TENT4B: variants seen among roughly 807,000 people sequenced by gnomAD.
TENT4B encodes PAP associated domain containing 5.
A neutral mutation model predicts 75.0 loss-of-function variants in TENT4B; 10 were observed. The observed-to-expected ratio is 0.13, with a 90% CI of 0.08 to 0.23. TENT4B has a LOEUF of 0.23. Ranked by LOEUF, TENT4B falls within the 10% of genes least tolerant of loss-of-function variation. TENT4B has a pLI of 1.00. For missense variants in TENT4B, 579 were observed against 893.8 expected, an observed-to-expected ratio of 0.65 and a Z score of 4.49; for synonymous variants, 350 against 357.7, an observed-to-expected ratio of 0.98 and a Z score of 0.24.
chr16:50,158,985 T>C (rs574164350), intron 1 of TENT4B, among the ~76,000 whole-genome samples: 146 of 152,242 alleles, frequency 9.6e-4, no homozygotes, highest in African/African-American at 3.2e-3. Context: ...GAAGGACTAT[T>C]GGTTTGGGTA....
Position 50,224,953 on chromosome 16 carries a change from A to T in TENT4B, c.1571A>T (p.Lys524Met), listed in dbSNP as rs750247658. ...GCCACATATAGAGATTGGATATCAA[A>T]GCAGTGGGGCTTGAAGAATAGACCT... ...EVATYRDWISKQWGLKNRPEP... is the reference protein window; with the variant it reads ...EVATYRDWISMQWGLKNRPEP... The change falls in exon 9 of 12, where the codon AAG becomes ATG. Residue 524 changes from lysine to methionine, a missense_variant. By Grantham distance (95) the Lys-to-Met change is moderately conservative. Transcript: ENST00000561678. The T allele has an allele frequency of 6.2e-7, 1 of 1,613,956 alleles. No individual in the cohort carries two copies. Among genetic ancestry groups the T allele is most frequent in the Non-Finnish European group, 8.5e-7 (1 of 1,179,842 alleles).
At chr16:50,176,265 T>G (rs185773840) in intron 1 of TENT4B, among the ~76,000 whole-genome samples, 1 of 151,912 alleles carries the variant, frequency 6.6e-6, no homozygotes, top group African/African-American at 2.4e-5. Context: ...TTTTTAAATT[T>G]TTTTAGAGAT....
intron 1 of TENT4B, among the ~76,000 whole-genome samples, chr16:50,182,374 CCTA>C (rs2038431693): frequency 6.6e-6 from 1 of 152,170 alleles, no homozygotes; most frequent in Non-Finnish European, 1.5e-5. Context: ...TAATTTTTCT[CCTA>C]CATTTGTTCA....
intron 1 of TENT4B, among the ~76,000 whole-genome samples, chr16:50,201,779 G>T (rs909996025): frequency 8.0e-5 from 12 of 150,780 alleles, no homozygotes; most frequent in African/African-American, 2.7e-4. Flanking sequence ...GGAGGCAGAG[G>T]TTGGAGTGAG....
chr16:50,224,532 C>G, intron 7 of TENT4B, 125 bp from the exon 8 acceptor site: 1 of 1,211,188 alleles, frequency 8.3e-7, no homozygotes. Flanking sequence ...CAGCTCACAG[C>G]TCAGCTTCCA....
intron 11 of TENT4B, among the ~76,000 whole-genome samples, chr16:50,228,328 G>A (rs1321164860): frequency 1.3e-5 from 2 of 152,210 alleles, no homozygotes; most frequent in Non-Finnish European, 2.9e-5. Flanking sequence ...CCTCATGGCA[G>A]TGTGCATATC....
chr16:50,163,037 C>A (rs2038030120), intron 1 of TENT4B, among the ~76,000 whole-genome samples: 1 of 152,086 alleles, frequency 6.6e-6, no homozygotes, highest in Non-Finnish European at 1.5e-5. Flanking sequence ...ATTGTTTTAT[C>A]TAAACAGCTT....
intron 5 of TENT4B, among the ~76,000 whole-genome samples, chr16:50,220,044 A>G (rs1359141112): frequency 1.3e-5 from 2 of 150,160 alleles, no homozygotes; most frequent in African/African-American, 4.9e-5. Flanking sequence ...GCTGGAGTGC[A>G]GTGGCGCGAT....
chr16:50,225,501 C>T (rs1159958811), intron 10 of TENT4B, among the ~76,000 whole-genome samples: 1 of 152,160 alleles, frequency 6.6e-6, no homozygotes, highest in East Asian at 1.9e-4. Flanking sequence ...TTCATGTACT[C>T]ACCAGTAGAT....
chr16:50,188,266 T>G (rs2038573619), intron 1 of TENT4B, among the ~76,000 whole-genome samples: 2 of 152,208 alleles, frequency 1.3e-5, no homozygotes, highest in Non-Finnish European at 2.9e-5. Flanking sequence ...TTCTGTTACC[T>G]TGCCATGAGG....
chr16:50,199,995 A>AT (rs1567500017), intron 1 of TENT4B, among the ~76,000 whole-genome samples: 1 of 152,130 alleles, frequency 6.6e-6, no homozygotes, highest in Non-Finnish European at 1.5e-5. Flanking sequence ...GTGTGTGGAC[A>AT]TTGGTTTTCA....
intron 1 of TENT4B, among the ~76,000 whole-genome samples, chr16:50,164,365 A>G (rs2150672866): frequency 6.6e-6 from 1 of 150,742 alleles, no homozygotes. Flanking sequence ...GCTGGAGTGC[A>G]GTGGCGCTAT....
In TENT4B at chr16:50,154,186, C is replaced by G; in HGVS notation, c.565C>G (p.Arg189Gly). 2.7e-6 allele frequency: 4 copies of G among 1,506,170 alleles called. No homozygotes were observed. The highest frequency in any genetic ancestry group is 2.6e-5 in the East Asian group (1 of 38,942). 93.3% of individuals were successfully genotyped at this position (1,506,170 alleles called of 1,614,324 possible). ...PSGGRAAGGG[R>G]ADGGGVVYSG... Reference sequence around the variant, plus strand: ...CGGAGGGCGGGCCGCGGGGGGCGGCCGAGCAGACGGCGGCGGGGTCGTGTA... The same window carrying G: ...CGGAGGGCGGGCCGCGGGGGGCGGCGGAGCAGACGGCGGCGGGGTCGTGTA... Residue 189 changes from arginine (R) to glycine (G), a missense_variant, in exon 1 of 12, where the codon CGA becomes GGA. This residue lies in a region of TENT4B where 253 missense variants were observed against 270.1 expected (regional missense o/e 0.94). Coordinates refer to ENST00000561678, the MANE Select transcript of TENT4B (RefSeq NM_001365324.3).
rs1442766220 is a variant in TENT4B at position 50,153,342 on chromosome 16, C to T, written c.-280C>T. Among the ~76,000 whole-genome samples, 3 of 143,328 alleles carry T rather than the reference C, an allele frequency of 2.1e-5. No homozygotes were observed. Among genetic ancestry groups the T allele is most frequent in the Non-Finnish European group, 3.1e-5 (2 of 65,124 alleles). 94.0% of individuals were successfully genotyped at this position (143,328 alleles called of 152,430 possible). A position where few individuals can be genotyped will look rare whatever the true frequency, so the allele number is the denominator to read the frequency against. ...CCGCCGCCGCCGCCGCCGCCATTTG[C>T]ACGGGGACCCCAGTGACAGGGGCTC... On this transcript the variant is annotated 5_prime_UTR_variant, in exon 1 of 12. Transcript: ENST00000561678.
intron 1 of TENT4B, among the ~76,000 whole-genome samples, chr16:50,201,048 GC>G (rs1387017838): frequency 6.6e-6 from 1 of 151,918 alleles, no homozygotes; most frequent in Non-Finnish European, 1.5e-5. Flanking sequence ...CAATCTTCCA[GC>G]CCTCAGCCTC....
intron 4 of TENT4B, among the ~76,000 whole-genome samples, chr16:50,216,596 G>A (rs1467394215): frequency 1.3e-5 from 2 of 152,202 alleles, no homozygotes; most frequent in African/African-American, 2.4e-5. Context: ...ACAGGCGTGA[G>A]CCACTGCACC....
chr16:50,234,646 T>G lies in TENT4B; in HGVS notation c.*5318T>G. On this transcript the variant is annotated 3_prime_UTR_variant, in exon 12 of 12. Transcript: ENST00000561678. Reference sequence around the variant, plus strand: ...ACTTACAGAAGTCACTTTAAAAAAGTCTTTTGAAAGTCCTACAATCCTAAA... The same window carrying G: ...ACTTACAGAAGTCACTTTAAAAAAGGCTTTTGAAAGTCCTACAATCCTAAA... 1 of 985,378 alleles carries G rather than the reference T, an allele frequency of 1.0e-6. No homozygotes were observed. The highest frequency in any genetic ancestry group is 1.2e-6 in the Non-Finnish European group (1 of 829,884). 61.0% of individuals were successfully genotyped at this position (985,378 alleles called of 1,614,324 possible).
chr16:50,184,855 T>G (rs1323462128), intron 1 of TENT4B, among the ~76,000 whole-genome samples: 1 of 152,104 alleles, frequency 6.6e-6, no homozygotes, highest in Non-Finnish European at 1.5e-5. Flanking sequence ...GGCTCCTGAG[T>G]ATCATGCTGC....
rs1250696003 is a variant in TENT4B, at chr16:50,230,406, C to T, written c.*1078C>T. 2 of 985,196 alleles carry T rather than the reference C, an allele frequency of 2.0e-6. No homozygotes were observed. The highest frequency in any genetic ancestry group is 2.4e-6 in the Non-Finnish European group (2 of 829,874). 61.0% of individuals were successfully genotyped at this position (985,196 alleles called of 1,614,324 possible). On this transcript the variant is annotated 3_prime_UTR_variant, in exon 12 of 12. Coordinates refer to ENST00000561678, the MANE Select transcript of TENT4B (RefSeq NM_001365324.3). ...CTGGCTTCTCTAACCCTGTGTGCTG[C>T]GTGTGCCTGTTTCTCATCTCTTATT... is the stretch of plus-strand genomic sequence containing the variant.
Sources: allele counts gnomAD v4.1 joint callset (sites outside exome capture counted in the v4.1 genomes callset), GRCh38; gene constraint gnomAD v4.1.1; regional missense constraint gnomAD v4.1.1; transcripts MANE v1.5; gene names NCBI Gene and HGNC (gene_info 2026-07-23, HGNC 2026-07-21).